Variants in VPS53 observed in about 807,000 individuals in gnomAD.
The protein encoded by VPS53 is vacuolar protein sorting-associated protein 53 homolog.
A neutral mutation model predicts 107.0 loss-of-function variants in VPS53; 70 were observed. The observed-to-expected ratio is 0.65, with a 90% CI of 0.54 to 0.80. VPS53 has a LOEUF of 0.80. VPS53 is among the 30% of genes least tolerant of loss of function. The pLI is 0.00. For synonymous variants in VPS53, 409 were observed against 393.3 expected, an observed-to-expected ratio of 1.04 and a Z score of -0.47; for missense variants, 917 against 1,049.4, an observed-to-expected ratio of 0.87 and a Z score of 1.74.
intron 11 of VPS53, among the ~76,000 whole-genome samples, chr17:618,752 T>C (rs1175933029): frequency 2.6e-3 from 298 of 113,932 alleles, no homozygotes; most frequent in Middle Eastern, 0.022. Context: ...TGCACCACCA[T>C]GCCCCGCTAA....
At chr17:655,983 G>A (rs1220200891) in intron 5 of VPS53, 30 bp from the exon 6 acceptor site, 37 of 1,585,648 alleles carry the variant, frequency 2.3e-5, no homozygotes, top group Non-Finnish European at 3.2e-5. Flanking sequence ...AAGAAAGAAA[G>A]GAAGACGGTC....
chr17:657,599 A>T, intron 5 of VPS53: 1 of 737,502 alleles, frequency 1.4e-6, no homozygotes, highest in Admixed American at 2.3e-5. Context: ...GCACATAGCG[A>T]AAGTTTCTTA....
At chr17:714,293 G>C (rs1276395785) in intron 1 of VPS53, 2 of 321,214 alleles carry the variant, frequency 6.2e-6, no homozygotes, top group Non-Finnish European at 1.2e-5. Context: ...TCTGGTAAAT[G>C]CATGAAGCCC....
rs539450705 is a variant in VPS53, at chr17:614,994, C to T, written c.1116+8539G>A. On this transcript the variant is annotated intron_variant, in intron 11 of 21. Transcript: ENST00000437048. ...CTCCCAGTGAGGCAGTTATAAAAAG[C>T]TAATCCGATCTAGTCTGCTTTTCTG... Among the ~76,000 whole-genome samples, 154 of 152,328 alleles carry T rather than the reference C, an allele frequency of 1.0e-3. 1 individual carries two copies. The highest frequency in any genetic ancestry group is 3.5e-3 in the African/African-American group (144 of 41,558).
chr17:613,451 A>G (rs540512524), intron 11 of VPS53, among the ~76,000 whole-genome samples: 1 of 152,290 alleles, frequency 6.6e-6, no homozygotes, highest in East Asian at 1.9e-4. Flanking sequence ...CAAATAGTGA[A>G]TTCACACAGT....
chr17:633,923 C>T (rs771693427), intron 7 of VPS53, among the ~76,000 whole-genome samples: 1 of 152,210 alleles, frequency 6.6e-6, no homozygotes, highest in African/African-American at 2.4e-5. Flanking sequence ...AGGCTCAGGC[C>T]CCCCCTGTTC....
At chr17:698,358 G>C (rs1973060282) in intron 3 of VPS53, among the ~76,000 whole-genome samples, 1 of 151,660 alleles carries the variant, frequency 6.6e-6, no homozygotes. Flanking sequence ...GCTCGAACCT[G>C]GGAGGTGGAG....
At chr17:581,390 G>C (rs921748787) in intron 13 of VPS53, among the ~76,000 whole-genome samples, 31 of 145,190 alleles carry the variant, frequency 2.1e-4, no homozygotes, top group African/African-American at 7.7e-4. Context: ...GAACCCTGAG[G>C]TCACAGAGGA....
At chr17:603,256 T>C (rs1452398457) in intron 11 of VPS53, among the ~76,000 whole-genome samples, 1 of 152,036 alleles carries the variant, frequency 6.6e-6, no homozygotes, top group Non-Finnish European at 1.5e-5. Flanking sequence ...AAAGCCTGTC[T>C]CTACTAAAAA....
chr17:673,579 T>C (rs556959278), intron 4 of VPS53: 1 of 152,362 alleles, frequency 6.6e-6, no homozygotes, highest in African/African-American at 2.4e-5. Flanking sequence ...TACAGCTCTT[T>C]GCTTCCCTAC....
intron 7 of VPS53, among the ~76,000 whole-genome samples, chr17:643,090 C>T (rs1274768917): frequency 7.4e-6 from 1 of 134,700 alleles, no homozygotes; most frequent in Non-Finnish European, 1.7e-5. Flanking sequence ...GAGGACAACA[C>T]TCATACTTGG....
At chr17:532,507 G>A in intron 19 of VPS53, 1 of 257,920 alleles carries the variant, frequency 3.9e-6, no homozygotes, top group Non-Finnish European at 7.0e-6. Context: ...TGATCTGCCT[G>A]CCCAGGCCTC....
At chr17:662,676 G>A (rs752952246) in intron 4 of VPS53, among the ~76,000 whole-genome samples, 38 of 148,836 alleles carry the variant, frequency 2.6e-4, no homozygotes, top group African/African-American at 4.2e-4. Flanking sequence ...GTGACAGAGC[G>A]AGACTCCAAA....
intron 4 of VPS53, among the ~76,000 whole-genome samples, chr17:663,732 C>T (rs1971566850): frequency 1.3e-5 from 2 of 152,212 alleles, no homozygotes; most frequent in South Asian, 4.1e-4. Flanking sequence ...TCAGCATCTC[C>T]TTAATTCACT....
chr17:701,383 A>G (rs1425639096), intron 2 of VPS53, among the ~76,000 whole-genome samples: 1 of 151,722 alleles, frequency 6.6e-6, no homozygotes, highest in Non-Finnish European at 1.5e-5. Context: ...ATATATATAC[A>G]TATATTTTTG....
chr17:590,953 G>A (rs1189079883), intron 12 of VPS53, among the ~76,000 whole-genome samples: 3 of 151,988 alleles, frequency 2.0e-5, no homozygotes, highest in African/African-American at 7.2e-5. Context: ...AGAAGGAATG[G>A]TACCAGTTCC....
intron 17 of VPS53, among the ~76,000 whole-genome samples, chr17:542,419 C>G (rs1910769639): frequency 6.6e-6 from 1 of 152,188 alleles, no homozygotes; most frequent in Non-Finnish European, 1.5e-5. Flanking sequence ...CATCTAATTT[C>G]TCTGAGCCTC....
At chr17:699,128 T>C (rs930197558) in intron 3 of VPS53, among the ~76,000 whole-genome samples, 5 of 151,930 alleles carry the variant, frequency 3.3e-5, no homozygotes, top group Non-Finnish European at 1.5e-5. Flanking sequence ...GATCACACCA[T>C]TGCACTCCAG....
intron 12 of VPS53, among the ~76,000 whole-genome samples, chr17:597,063 A>G (rs918129015): frequency 6.6e-6 from 1 of 152,126 alleles, no homozygotes; most frequent in Non-Finnish European, 1.5e-5. Flanking sequence ...GGCTCCTTTC[A>G]GATGTCAGTT....
Sources: allele counts gnomAD v4.1 joint callset (sites outside exome capture counted in the v4.1 genomes callset), GRCh38; gene constraint gnomAD v4.1.1; transcripts MANE v1.5; gene names NCBI Gene and HGNC (gene_info 2026-07-23, HGNC 2026-07-21).